IMMP2L: variants seen among roughly 807,000 people sequenced by gnomAD.
IMMP2L encodes inner mitochondrial membrane peptidase subunit 2.
In IMMP2L, 18 loss-of-function variants were observed where a neutral mutation model predicts 19.3. The ratio of observed to expected loss-of-function variants is 0.93; its 90% CI spans 0.64 to 1.38. The LOEUF is 1.38. Among genes scored for constraint, IMMP2L ranks in the 40% most tolerant of loss-of-function variants. IMMP2L has a pLI of 0.00. For synonymous variants in IMMP2L, 76 were observed against 73.0 expected (o/e 1.04, Z -0.21); for missense variants, 233 against 218.2 (o/e 1.07, Z -0.43).
intron 5 of IMMP2L, among the ~76,000 whole-genome samples, chr7:110,731,564 A>G (rs1166601817): frequency 1.3e-5 from 2 of 152,166 alleles, no homozygotes; most frequent in Non-Finnish European, 2.9e-5. Flanking sequence ...AAGACACACT[A>G]TACACGCAAT....
At chr7:111,210,248 G>A (rs1330072567) in intron 3 of IMMP2L, among the ~76,000 whole-genome samples, 1 of 152,150 alleles carries the variant, frequency 6.6e-6, no homozygotes, top group Non-Finnish European at 1.5e-5. Flanking sequence ...TAATTGATTA[G>A]TTGGCATATT....
rs1310585714 is a variant in IMMP2L, at chr7:111,243,234, T to A, written c.239+244004A>T. On this transcript the variant is annotated intron_variant, in intron 3 of 5. Transcript: ENST00000405709. ...TTCTGAATGTGAAGTATTTATTATA[T>A]ATTGAATTATAAAATATTTATTATG... 4.6e-5 allele frequency among the ~76,000 whole-genome samples: 7 copies of A among 151,994 alleles called. No individual in the cohort carries two copies. In the South Asian group the frequency reaches 1.4e-3, roughly 31 times the overall value.
chr7:110,873,758 A>C (rs1268943732), intron 5 of IMMP2L, among the ~76,000 whole-genome samples: 1 of 151,754 alleles, frequency 6.6e-6, no homozygotes, highest in Non-Finnish European at 1.5e-5. Context: ...ATGGGCAACA[A>C]GAGTGAAACT....
intron 3 of IMMP2L, among the ~76,000 whole-genome samples, chr7:111,428,506 T>G (rs561565490): frequency 3.9e-4 from 59 of 151,794 alleles, no homozygotes; most frequent in African/African-American, 1.4e-3. Context: ...GAAGAGAAAC[T>G]TTTTTCAGTA....
chr7:110,763,208 G>A (rs1383610314), intron 5 of IMMP2L, among the ~76,000 whole-genome samples: 1 of 152,100 alleles, frequency 6.6e-6, no homozygotes, highest in Non-Finnish European at 1.5e-5. Context: ...GGAGTCAAGT[G>A]ATAGAACAAG....
chr7:111,340,555 C>T (rs1309624334), intron 3 of IMMP2L, among the ~76,000 whole-genome samples: 1 of 151,916 alleles, frequency 6.6e-6, no homozygotes, highest in Non-Finnish European at 1.5e-5. Flanking sequence ...GCTGTATCTC[C>T]TAGGGCAGAA....
At chr7:111,186,561 TG>T (rs1808286924) in intron 3 of IMMP2L, among the ~76,000 whole-genome samples, 1 of 152,076 alleles carries the variant, frequency 6.6e-6, no homozygotes, top group Admixed American at 6.6e-5. Context: ...CCTGAGTAGC[TG>T]GGATTACAGG....
chr7:110,992,975 TA>T (rs1822647279), intron 3 of IMMP2L, among the ~76,000 whole-genome samples: 1 of 152,214 alleles, frequency 6.6e-6, no homozygotes, highest in East Asian at 1.9e-4. Flanking sequence ...AAGAGGTACA[TA>T]ATGTAAAAGA....
intron 3 of IMMP2L, among the ~76,000 whole-genome samples, chr7:111,144,854 A>T (rs1232133714): frequency 6.6e-6 from 1 of 152,192 alleles, no homozygotes; most frequent in African/African-American, 2.4e-5. Context: ...GGAGAAAGAC[A>T]TTAAGCAAAT....
At chr7:110,801,759 G>A (rs1801259798) in intron 5 of IMMP2L, among the ~76,000 whole-genome samples, 1 of 152,070 alleles carries the variant, frequency 6.6e-6, no homozygotes, top group Admixed American at 6.6e-5. Context: ...ACAGGCACTG[G>A]TAAGGTATGA....
chr7:111,545,751 A>G (rs1456002023), intron 1 of IMMP2L, among the ~76,000 whole-genome samples: 1 of 152,140 alleles, frequency 6.6e-6, no homozygotes, highest in African/African-American at 2.4e-5. Flanking sequence ...GCTATATGTA[A>G]TGCAGAAGTA....
At chr7:111,095,798 T>C (rs1797338376) in intron 3 of IMMP2L, among the ~76,000 whole-genome samples, 1 of 152,000 alleles carries the variant, frequency 6.6e-6, no homozygotes, top group Non-Finnish European at 1.5e-5. Context: ...GCCCTTTTTT[T>C]ATATACAGTG....
intron 3 of IMMP2L, among the ~76,000 whole-genome samples, chr7:111,308,883 C>A (rs918359006): frequency 2.6e-5 from 4 of 151,930 alleles, no homozygotes; most frequent in African/African-American, 9.7e-5. Context: ...GTACCATGTG[C>A]CACCTTAAAT....
At chr7:111,018,668 G>A (rs1825947936) in intron 3 of IMMP2L, among the ~76,000 whole-genome samples, 1 of 152,004 alleles carries the variant, frequency 6.6e-6, no homozygotes, top group African/African-American at 2.4e-5. Context: ...TAAAGAAACT[G>A]AGGCTCAGAG....
chr7:110,898,425 G>T (rs924866412), intron 4 of IMMP2L, among the ~76,000 whole-genome samples: 1 of 152,028 alleles, frequency 6.6e-6, no homozygotes, highest in Non-Finnish European at 1.5e-5. Flanking sequence ...GCCCTCAACT[G>T]GCTGCTCACT....
chr7:111,089,956 GT>G (rs952088055), intron 3 of IMMP2L, among the ~76,000 whole-genome samples: 6 of 146,732 alleles, frequency 4.1e-5, no homozygotes, highest in African/African-American at 7.5e-5. Flanking sequence ...TGAAGGTTTT[GT>G]TTTTTTTTTC....
intron 3 of IMMP2L, among the ~76,000 whole-genome samples, chr7:111,290,036 T>C (rs1486968987): frequency 1.3e-5 from 2 of 152,158 alleles, no homozygotes; most frequent in Non-Finnish European, 2.9e-5. Flanking sequence ...CACATTCTTA[T>C]TGCAAATTTC....
At chr7:110,829,035 T>C (rs1803737750) in intron 5 of IMMP2L, among the ~76,000 whole-genome samples, 1 of 152,194 alleles carries the variant, frequency 6.6e-6, no homozygotes, top group South Asian at 2.1e-4. Flanking sequence ...CATATATGTA[T>C]GGCTATTTAA....
At chr7:111,343,536 A>G (rs37647) in intron 3 of IMMP2L, among the ~76,000 whole-genome samples, 34,999 of 151,766 alleles carry the variant, frequency 0.23, 5,714 homozygotes, top group African/African-American at 0.46. Context: ...CCAGTGCTTC[A>G]CTCCTTCAGC....
Sources: gnomAD v4.1 joint callset for allele counts (sites outside exome capture counted in the v4.1 genomes callset) on GRCh38, gnomAD v4.1.1 for gene constraint, MANE v1.5 for transcripts, NCBI Gene and HGNC (gene_info 2026-07-23, HGNC 2026-07-21) for gene names.